The following GLT1D1 variants were observed in gnomAD, a reference collection of about 807,000 sequenced individuals.
GLT1D1 encodes glycosyltransferase 1 domain containing 1, also known as glycosyltransferase 1 domain-containing protein 1.
A neutral mutation model predicts 28.7 loss-of-function variants in GLT1D1; 21 were observed. The ratio of observed to expected loss-of-function variants is 0.73; its 90% confidence interval spans 0.52 to 1.05. The LOEUF (loss-of-function observed/expected upper bound fraction) is 1.05. Among genes scored for constraint, GLT1D1 ranks in the 50% least tolerant of loss-of-function variants. The pLI is 0.00. For missense variants in GLT1D1, 343 were observed against 330.6 expected (o/e 1.04, Z -0.29); for synonymous variants, 147 against 124.8 (o/e 1.18, Z -1.19).
At chr12:128,954,033 A>G (rs1877001261) in intron 6 of GLT1D1, among the ~76,000 whole-genome samples, 1 of 152,164 alleles carries the variant, frequency 6.6e-6, no homozygotes, top group Non-Finnish European at 1.5e-5. Flanking sequence ...GGTGTGAGCC[A>G]CTGCGCCCAG....
chr12:128,937,866 C>T (rs941755714), intron 4 of GLT1D1, among the ~76,000 whole-genome samples: 1 of 152,160 alleles, frequency 6.6e-6, no homozygotes, highest in African/African-American at 2.4e-5. Flanking sequence ...CTCCCCAGCC[C>T]TTTGGAGCTG....
rs1190457174 is a variant in GLT1D1, at chr12:128,870,414, T to C, written c.69-5500T>C. On this transcript the variant is annotated intron_variant, in intron 1 of 7. Coordinates refer to ENST00000281703, the MANE Select transcript of GLT1D1 (RefSeq NM_144669.3). The stretch of plus-strand genomic sequence containing the variant: ...CGCGCACACATAGGCTTCTTCTCTT[T>C]GTGGACCTGCCAAGTGCCCAAAATC... Among the ~76,000 whole-genome samples the C allele has an allele frequency of 3.3e-5, 5 of 152,314 alleles. No homozygotes were observed. The South Asian group carries it at 6.2e-4, about 19-fold the overall frequency.
At chr12:128,923,427 G>T (rs546404778) in intron 4 of GLT1D1, among the ~76,000 whole-genome samples, 1 of 152,232 alleles carries the variant, frequency 6.6e-6, no homozygotes, top group South Asian at 2.1e-4. Context: ...TGTGGTGGGG[G>T]GTTTGGACCT....
At position 128,854,057 on chromosome 12, in the gene GLT1D1, C is replaced by A. The variant is rs563174171; in HGVS notation, c.68+408C>A. Among the ~76,000 whole-genome samples the A allele has an allele frequency of 2.4e-3, 363 of 152,278 alleles. 2 individuals are homozygous for A. The highest frequency in any genetic ancestry group is 3.5e-3 in the Admixed American group (54 of 15,310). ...GCCGGGGACCGCGGTGCCAGCCCTGCCCTCGCGGATCGGGTCTCGGCTGTG... is the reference window on the plus strand; with the variant it reads ...GCCGGGGACCGCGGTGCCAGCCCTGACCTCGCGGATCGGGTCTCGGCTGTG... On this transcript the variant is annotated intron_variant, in intron 1 of 7. Transcript: ENST00000281703.
chr12:128,936,757 G>T lies in GLT1D1; in HGVS notation c.376-8569G>T, dbSNP rs148725821. ...CCCTTAAGCCTAGGAGTTGTAACAA[G>T]GTATTTTGCTAGAAAATAAATAAGC... On this transcript the variant is annotated intron_variant, in intron 4 of 7. Coordinates refer to ENST00000281703, the MANE Select transcript of GLT1D1 (RefSeq NM_144669.3). Among the ~76,000 whole-genome samples, 1,236 of 152,240 alleles carry T rather than the reference G, an allele frequency of 8.1e-3. 22 individuals carry two copies. The highest frequency in any genetic ancestry group is 0.028 in the African/African-American group (1,181 of 41,528).
intron 6 of GLT1D1, among the ~76,000 whole-genome samples, chr12:128,953,767 A>G (rs1256741767): frequency 6.6e-6 from 1 of 151,600 alleles, no homozygotes; most frequent in African/African-American, 2.4e-5. Context: ...TGTCTCCGAA[A>G]CAGAGTCTCA....
At chr12:128,926,394 C>A (rs1171804905) in intron 4 of GLT1D1, 2 of 1,531,304 alleles carry the variant, frequency 1.3e-6, no homozygotes, top group African/African-American at 1.4e-5. Flanking sequence ...GCACATATTT[C>A]TTCTGATATG....
rs183313345 is a variant in GLT1D1, at chr12:128,968,657, C to T, written c.639+11014C>T. On this transcript the variant is annotated intron_variant, in intron 7 of 7. Coordinates refer to ENST00000281703, the MANE Select transcript of GLT1D1 (RefSeq NM_144669.3). ...CAGCCTGGGTGACAGTGCGAGACAT[C>T]GTCTCAATAATAATAATACTAGGAC... Among the ~76,000 whole-genome samples, 131 of 152,054 alleles carry T rather than the reference C, an allele frequency of 8.6e-4. 1 individual carries two copies. The highest frequency in any genetic ancestry group is 2.9e-3 in the African/African-American group (122 of 41,504).
rs113075474 is a variant in GLT1D1, at chr12:128,974,058, C to T, written c.640-8871C>T. 5.3e-5 allele frequency among the ~76,000 whole-genome samples: 8 copies of T among 152,040 alleles called. 1 individual carries two copies. The highest frequency in any genetic ancestry group is 1.7e-4 in the African/African-American group (7 of 41,466). On this transcript the variant is annotated intron_variant, in intron 7 of 7. Transcript: ENST00000281703. ...TTCTGCCACTCAGTGATGTGTTAAC[C>T]TCAGGCAGGTTCCCAGGTGACCTGG...
chr12:128,881,547 AAAAAAAAAAAAAAAATATAT>A (rs1354891721), intron 2 of GLT1D1, among the ~76,000 whole-genome samples: 1 of 69,658 alleles, frequency 1.4e-5, no homozygotes, highest in African/African-American at 6.3e-5. Context: ...AAAAAAAAAA[AAAAAAAAAAAAAAAATATAT>A]ATATATATAT....
chr12:128,865,752 A>T (rs990255144), intron 1 of GLT1D1, among the ~76,000 whole-genome samples: 6 of 151,958 alleles, frequency 3.9e-5, no homozygotes, highest in African/African-American at 1.5e-4. Context: ...AACCTGGGAG[A>T]CAGAGGTTTC....
chr12:128,970,218 G>C (rs992847101), intron 7 of GLT1D1, among the ~76,000 whole-genome samples: 2 of 152,274 alleles, frequency 1.3e-5, no homozygotes, highest in East Asian at 3.9e-4. Flanking sequence ...ATGCTGCAGG[G>C]GAAGGCCTGC....
intron 7 of GLT1D1, among the ~76,000 whole-genome samples, chr12:128,978,627 C>G (rs926091612): frequency 3.9e-5 from 6 of 152,112 alleles, no homozygotes; most frequent in African/African-American, 1.4e-4. Flanking sequence ...GGTCCCGATC[C>G]AGACCCCAAG....
At chr12:128,923,534 T>A (rs1215909160) in intron 4 of GLT1D1, among the ~76,000 whole-genome samples, 1 of 151,964 alleles carries the variant, frequency 6.6e-6, no homozygotes, top group Non-Finnish European at 1.5e-5. Context: ...TTTTCTTTTT[T>A]TTTTTGAGAT....
chr12:128,855,044 A>C (rs1446378312), intron 1 of GLT1D1, among the ~76,000 whole-genome samples: 2 of 152,066 alleles, frequency 1.3e-5, no homozygotes, highest in East Asian at 3.9e-4. Flanking sequence ...CCAGCATCCC[A>C]GTATGGGAGA....
intron 7 of GLT1D1, among the ~76,000 whole-genome samples, chr12:128,982,721 TGC>T (rs1263929924): frequency 2.2e-4 from 34 of 152,146 alleles, no homozygotes; most frequent in Non-Finnish European, 3.8e-4. Flanking sequence ...CATGTATGTG[TGC>T]GTGTGTGTGT....
chr12:128,884,417 C>T (rs566672735), intron 2 of GLT1D1, among the ~76,000 whole-genome samples: 5 of 152,178 alleles, frequency 3.3e-5, no homozygotes, highest in Admixed American at 2.0e-4. Context: ...ATTAGGGAAA[C>T]GTTGGTCAAA....
At position 128,901,656 on chromosome 12, in the gene GLT1D1, C is replaced by T. The variant is rs11060005; in HGVS notation, c.375+2369C>T. On this transcript the variant is annotated intron_variant, in intron 4 of 7. Transcript: ENST00000281703. ...TTCACCATGTTGGCCAGGCTGGTCT[C>T]GAACTCCCGACCTTGTGATCCACCC... is the stretch of plus-strand genomic sequence containing the variant. 5.8e-3 allele frequency among the ~76,000 whole-genome samples: 865 copies of T among 148,818 alleles called. 6 individuals carry two copies. Among genetic ancestry groups the T allele is most frequent in the African/African-American group, 0.017 (663 of 39,366 alleles).
intron 4 of GLT1D1, among the ~76,000 whole-genome samples, chr12:128,934,884 G>A (rs1013777970): frequency 3.3e-5 from 5 of 151,864 alleles, no homozygotes; most frequent in African/African-American, 1.2e-4. Context: ...CAGGGTCCTG[G>A]AAGTCTCTGT....
Sources: gnomAD v4.1 joint callset for allele counts (sites outside exome capture counted in the v4.1 genomes callset) on GRCh38, gnomAD v4.1.1 for gene constraint, MANE v1.5 for transcripts, NCBI Gene and HGNC (gene_info 2026-07-23, HGNC 2026-07-21) for gene names.